Variants in PPP2R5C observed in about 807,000 individuals in gnomAD.
PPP2R5C encodes serine/threonine-protein phosphatase 2A 56 kDa regulatory subunit gamma isoform.
In PPP2R5C, 7 loss-of-function variants were observed where a neutral mutation model predicts 68.9. The ratio of observed to expected loss-of-function variants is 0.10; its 90% CI spans 0.06 to 0.19. The LOEUF (loss-of-function observed/expected upper bound fraction) is 0.19. Among genes scored for constraint, PPP2R5C ranks in the 10% least tolerant of loss-of-function variants. PPP2R5C has a pLI of 1.00. For missense variants in PPP2R5C, 348 were observed against 641.3 expected (o/e 0.54, Z 4.94); for synonymous variants, 210 against 222.2 (o/e 0.95, Z 0.49).
rs552525969 is a variant in PPP2R5C, at chr14:101,875,530, G to A, written c.295-6631G>A. Among the ~76,000 whole-genome samples, 3 of 152,206 alleles carry A rather than the reference G, an allele frequency of 2.0e-5. No individual in the cohort carries two copies. The South Asian group carries it at 6.2e-4, about 32-fold the overall frequency. On this transcript the variant is annotated intron_variant, in intron 2 of 13. Transcript: ENST00000334743. ...GGTGACTGATGCGTGCTTTTCCCAG[G>A]ATCCATTTACTCTCAGCAAGTGTTT... is the stretch of plus-strand genomic sequence containing the variant.
chr14:101,818,750 G>T, intron 1 of PPP2R5C: 4 of 321,534 alleles, frequency 1.2e-5, no homozygotes, highest in South Asian at 7.0e-5. Flanking sequence ...AATAATATTT[G>T]AAATAAGTGG....
At chr14:101,791,105 A>AAAAG (rs1442435747) in intron 3 of PPP2R5C, among the ~76,000 whole-genome samples, 4 of 152,168 alleles carry the variant, frequency 2.6e-5, no homozygotes, top group Non-Finnish European at 4.4e-5. Flanking sequence ...AAAAGAAAAG[A>AAAAG]AAAAGAAACT....
At chr14:101,892,637 C>T (rs146320648) in intron 6 of PPP2R5C, among the ~76,000 whole-genome samples, 2 of 152,292 alleles carry the variant, frequency 1.3e-5, no homozygotes, top group Non-Finnish European at 2.9e-5. Flanking sequence ...TACACACACA[C>T]ATATGTATAT....
intron 1 of PPP2R5C, among the ~76,000 whole-genome samples, chr14:101,850,161 G>A (rs1203430417): frequency 6.6e-6 from 1 of 152,192 alleles, no homozygotes; most frequent in Non-Finnish European, 1.5e-5. Flanking sequence ...GGGGATGGGT[G>A]CAAGGGGCCG....
intron 1 of PPP2R5C, among the ~76,000 whole-genome samples, chr14:101,817,529 G>T (rs947618620): frequency 6.6e-6 from 1 of 152,134 alleles, no homozygotes; most frequent in African/African-American, 2.4e-5. Context: ...AACCGTTTTT[G>T]ATGTTTATTG....
chr14:101,761,920 A>G lies in PPP2R5C; in HGVS notation c.27A>G (p.Lys9=), dbSNP rs2036563046. Residue 9 remains lysine, a splice_region_variant and synonymous_variant, in exon 1 of 15, where the codon AAA becomes AAG. Transcript: ENST00000328724. ...TGCCGAATAAAAACAAGAAGGAGAA[A>G]GTGAGTCCGGGCCCGGCCGCGGGAC... 5 of 1,180,942 alleles carry G rather than the reference A, an allele frequency of 4.2e-6. 1 individual carries two copies. The South Asian group carries it at 1.6e-4, about 39-fold the overall frequency. 73.2% of individuals were successfully genotyped at this position (1,180,942 alleles called of 1,614,324 possible). A position where few individuals can be genotyped will look rare whatever the true frequency, so the allele number is the denominator to read the frequency against.
intron 1 of PPP2R5C, chr14:101,844,230 A>G (rs1381673790): frequency 6.7e-6 from 1 of 150,304 alleles, no homozygotes; most frequent in Non-Finnish European, 1.5e-5. Flanking sequence ...AACTAATTCG[A>G]ATCTTAGAGA....
intron 2 of PPP2R5C, among the ~76,000 whole-genome samples, chr14:101,776,818 C>T (rs1467649506): frequency 6.6e-6 from 1 of 152,080 alleles, no homozygotes; most frequent in Non-Finnish European, 1.5e-5. Context: ...TGTCTGGCTT[C>T]CTTTACTTCG....
At chr14:101,767,731 C>T (rs2036931139) in intron 2 of PPP2R5C, among the ~76,000 whole-genome samples, 1 of 152,316 alleles carries the variant, frequency 6.6e-6, no homozygotes, top group East Asian at 1.9e-4. Context: ...CCCAGCGCCT[C>T]CCCATGGTCT....
intron 2 of PPP2R5C, among the ~76,000 whole-genome samples, chr14:101,764,109 C>T (rs2036726925): frequency 6.6e-6 from 1 of 152,200 alleles, no homozygotes; most frequent in African/African-American, 2.4e-5. Context: ...AGCTGGAATG[C>T]CAAGTGAGCA....
At chr14:101,875,958 G>A (rs1157409932) in intron 2 of PPP2R5C, among the ~76,000 whole-genome samples, 1 of 152,138 alleles carries the variant, frequency 6.6e-6, no homozygotes, top group African/African-American at 2.4e-5. Context: ...TAGTTTTTGT[G>A]TCTGGGTAGC....
intron 2 of PPP2R5C, among the ~76,000 whole-genome samples, chr14:101,878,154 A>T (rs148878366): frequency 6.6e-6 from 1 of 152,314 alleles, no homozygotes; most frequent in East Asian, 1.9e-4. Context: ...ATCCCTCCTT[A>T]CAAAGACACT....
Position 101,859,348 on chromosome 14 carries a change from G to T in PPP2R5C, c.294+2463G>T, listed in dbSNP as rs80095552. Among the ~76,000 whole-genome samples, 424 of 152,382 alleles carry T rather than the reference G, an allele frequency of 2.8e-3. 2 individuals are homozygous for T. The highest frequency in any genetic ancestry group is 1.0e-2 in the African/African-American group (414 of 41,592). ...AATGTGATTTCTGCCTTATGCCCAC[G>T]TGGGCGGGAAGAAGGCGCAGAGTGG... On this transcript the variant is annotated intron_variant, in intron 2 of 13. Transcript: ENST00000334743.
At chr14:101,799,111 A>G (rs953639036) in intron 3 of PPP2R5C, among the ~76,000 whole-genome samples, 2 of 152,206 alleles carry the variant, frequency 1.3e-5, no homozygotes, top group African/African-American at 2.4e-5. Flanking sequence ...AGCTGGACCA[A>G]GGAAGAGCTT....
chr14:101,779,246 G>C (rs936907613), intron 2 of PPP2R5C, among the ~76,000 whole-genome samples: 4 of 152,124 alleles, frequency 2.6e-5, no homozygotes, highest in Non-Finnish European at 5.9e-5. Flanking sequence ...GAGCCTGCCT[G>C]AGTGTTGGCA....
At chr14:101,833,025 C>T (rs985027526) in intron 1 of PPP2R5C, among the ~76,000 whole-genome samples, 6 of 152,174 alleles carry the variant, frequency 3.9e-5, no homozygotes, top group Admixed American at 1.3e-4. Context: ...GCATCTGAAA[C>T]GTGCTGGAAT....
At chr14:101,832,869 A>G (rs1230293561) in intron 1 of PPP2R5C, among the ~76,000 whole-genome samples, 1 of 152,214 alleles carries the variant, frequency 6.6e-6, no homozygotes, top group Non-Finnish European at 1.5e-5. Flanking sequence ...TCAGTAACAT[A>G]ATACAGTTAG....
At chr14:101,761,384 GGCTCAGCTCT>G (rs1566813778), upstream of PPP2R5C, among the ~76,000 whole-genome samples, 1 of 151,890 alleles carries the variant, frequency 6.6e-6, no homozygotes, top group African/African-American at 2.4e-5. Context: ...CCCCTGAGTC[GGCTCAGCTCT>G]GCTCAGCGGT....
chr14:101,910,133 G>T (rs1386286875), intron 11 of PPP2R5C, among the ~76,000 whole-genome samples: 2 of 152,164 alleles, frequency 1.3e-5, no homozygotes, highest in African/African-American at 4.8e-5. Flanking sequence ...GTGTTCTCTG[G>T]AATCTAGTCT....
Sources: gnomAD v4.1 joint callset for allele counts (sites outside exome capture counted in the v4.1 genomes callset) on GRCh38, gnomAD v4.1.1 for gene constraint, MANE v1.5 for transcripts, NCBI Gene and HGNC (gene_info 2026-07-23, HGNC 2026-07-21) for gene names.